Variants in ACSS3 observed in about 807,000 individuals in gnomAD.
The protein encoded by ACSS3 is acyl-CoA synthetase short chain family member 3, also known as acyl-CoA synthetase short-chain family member 3, mitochondrial.
A neutral mutation model predicts 84.2 loss-of-function variants in ACSS3; 64 were observed. The observed-to-expected ratio is 0.76, with a 90% CI of 0.62 to 0.94. ACSS3 has a LOEUF of 0.94. Ranked by LOEUF, ACSS3 falls within the 40% of genes least tolerant of loss-of-function variation. ACSS3 has a pLI of 0.00. For synonymous variants in ACSS3, 317 were observed against 310.1 expected (o/e 1.02, Z -0.23); for missense variants, 815 against 867.6 (o/e 0.94, Z 0.76).
At chr12:81,229,508 T>G (rs557743571) in intron 11 of ACSS3, among the ~76,000 whole-genome samples, 1 of 152,062 alleles carries the variant, frequency 6.6e-6, no homozygotes, top group African/African-American at 2.4e-5. Flanking sequence ...TGTCAAATAT[T>G]AACAATTAAA....
Position 81,256,517 on chromosome 12 carries a change from T to A in ACSS3, c.*1595T>A, listed in dbSNP as rs1007209647. On this transcript the variant is annotated 3_prime_UTR_variant, in exon 16 of 16. Transcript: ENST00000548058. Reference sequence around the variant, plus strand: ...TACATTTTAACCCAAAAGTATACCATGCTCATTGTATCTTTGATCGTTCTT... The same window carrying A: ...TACATTTTAACCCAAAAGTATACCAAGCTCATTGTATCTTTGATCGTTCTT... 2 of 152,200 alleles carry A rather than the reference T, an allele frequency of 1.3e-5. No homozygotes were observed. The highest frequency in any genetic ancestry group is 4.8e-5 in the African/African-American group (2 of 41,456). The allele number at this position is 152,200 out of a possible 1,614,324, so 9.4% of individuals were successfully genotyped here.
In ACSS3 at chr12:81,256,398, T is replaced by C. The variant is rs2034299229; in HGVS notation, c.*1476T>C. 1 of 152,198 alleles carries C rather than the reference T, an allele frequency of 6.6e-6. No individual in the cohort carries two copies. Among genetic ancestry groups the C allele is most frequent in the Non-Finnish European group, 1.5e-5 (1 of 68,032 alleles). 9.4% of individuals were successfully genotyped at this position (152,198 alleles called of 1,614,324 possible). On this transcript the variant is annotated 3_prime_UTR_variant, in exon 16 of 16. Transcript: ENST00000548058. ...ATTGTAAAGTGAGTTTTTGTTAAGC[T>C]TATAGGAATGGGCCAGTTAACTAAG... is the stretch of plus-strand genomic sequence containing the variant.
At chr12:81,091,860 A>G (rs1881689832) in intron 1 of ACSS3, among the ~76,000 whole-genome samples, 1 of 152,122 alleles carries the variant, frequency 6.6e-6, no homozygotes, top group Non-Finnish European at 1.5e-5. Flanking sequence ...TACCATAGTA[A>G]TTTAACTTCT....
At chr12:81,242,474 T>C (rs981722882) in intron 13 of ACSS3, among the ~76,000 whole-genome samples, 5 of 149,094 alleles carry the variant, frequency 3.4e-5, no homozygotes, top group Non-Finnish European at 6.0e-5. Flanking sequence ...TTCCAATCAA[T>C]AGAAAAAGAG....
intron 8 of ACSS3, among the ~76,000 whole-genome samples, chr12:81,194,199 G>A (rs1353472253): frequency 6.6e-6 from 1 of 151,494 alleles, no homozygotes; most frequent in Non-Finnish European, 1.5e-5. Context: ...TTAAAAAAGG[G>A]CAAATCACTT....
At position 81,255,947 on chromosome 12, in the gene ACSS3, C is replaced by A. The variant is rs2034280304; in HGVS notation, c.*1025C>A. 6.6e-6 allele frequency: 1 copy of A among 152,172 alleles called. No individual in the cohort carries two copies. Among genetic ancestry groups the A allele is most frequent in the Non-Finnish European group, 1.5e-5 (1 of 68,048 alleles). 9.4% of individuals were successfully genotyped at this position (152,172 alleles called of 1,614,324 possible). ...ATGTTTATCCAAATGATTCCAGATT[C>A]CTGTGGAAACAAGGAATCGATGTAC... On this transcript the variant is annotated 3_prime_UTR_variant, in exon 16 of 16. Coordinates refer to ENST00000548058, the MANE Select transcript of ACSS3 (RefSeq NM_024560.4).
At chr12:81,138,045 C>T (rs1885900415) in intron 3 of ACSS3, among the ~76,000 whole-genome samples, 1 of 151,926 alleles carries the variant, frequency 6.6e-6, no homozygotes, top group South Asian at 2.1e-4. Context: ...AAAAAGCAGG[C>T]AATACTATAT....
chr12:81,219,671 CTTTACTT>C (rs2033037352), intron 10 of ACSS3, among the ~76,000 whole-genome samples: 2 of 151,908 alleles, frequency 1.3e-5, no homozygotes, highest in Non-Finnish European at 2.9e-5. Flanking sequence ...ACTTCATTTC[CTTTACTT>C]TTTAAAAAGC....
intron 13 of ACSS3, among the ~76,000 whole-genome samples, chr12:81,247,760 G>T (rs1258652695): frequency 1.3e-5 from 2 of 152,014 alleles, no homozygotes; most frequent in African/African-American, 4.8e-5. Context: ...TTAGCAAATT[G>T]ATTATTTCCT....
At position 81,258,599 on chromosome 12, in the gene ACSS3, T is replaced by G. The variant is rs1467222017; in HGVS notation, c.*3677T>G. 1 of 152,200 alleles carries G rather than the reference T, an allele frequency of 6.6e-6. No individual in the cohort carries two copies. Among genetic ancestry groups the G allele is most frequent in the Non-Finnish European group, 1.5e-5 (1 of 68,036 alleles). 9.4% of individuals were successfully genotyped at this position (152,200 alleles called of 1,614,324 possible). ...TTTATACACTATATATGTTAATCAT[T>G]CTGTCTTTCATTTATTTCCTCTGAT... On this transcript the variant is annotated 3_prime_UTR_variant, in exon 16 of 16. Transcript: ENST00000548058.
In ACSS3 at chr12:81,260,045, AT is replaced by A. The variant is rs554278444; in HGVS notation, c.*5124del. On this transcript the variant is annotated 3_prime_UTR_variant, in exon 16 of 16. Coordinates refer to ENST00000548058, the MANE Select transcript of ACSS3 (RefSeq NM_024560.4). Reference sequence around the variant, plus strand: ...TCATATATTTTAGAGTTCTTAAAAAATACCTTTATTTGTTACAAAAACATAA... The same window carrying A: ...TCATATATTTTAGAGTTCTTAAAAAAACCTTTATTTGTTACAAAAACATAA... 1.7e-3 allele frequency: 270 copies of A among 160,662 alleles called. 3 individuals carry two copies. Among genetic ancestry groups the A allele is most frequent in the African/African-American group, 6.0e-3 (252 of 41,892 alleles). The allele number at this position is 160,662 out of a possible 1,614,324, so 10.0% of individuals were successfully genotyped here.
chr12:81,110,084 A>G (rs760285625), intron 2 of ACSS3, among the ~76,000 whole-genome samples: 1 of 152,180 alleles, frequency 6.6e-6, no homozygotes, highest in African/African-American at 2.4e-5. Context: ...CTCATATTAG[A>G]TGATCACCAG....
At chr12:81,181,747 C>CAAAAAAAAAAAAAA (rs59878486) in intron 8 of ACSS3, among the ~76,000 whole-genome samples, 69 of 47,914 alleles carry the variant, frequency 1.4e-3, no homozygotes, top group Non-Finnish European at 1.6e-3. Flanking sequence ...ATCAATTAAG[C>CAAAAAAAAAAAAAA]AAAAAAAAAA....
At chr12:81,180,841 G>C (rs1052177561) in intron 8 of ACSS3, among the ~76,000 whole-genome samples, 1 of 152,088 alleles carries the variant, frequency 6.6e-6, no homozygotes, top group African/African-American at 2.4e-5. Flanking sequence ...TATTTAATCT[G>C]ATGCATAATC....
chr12:81,147,886 C>G (rs557044655), intron 5 of ACSS3, among the ~76,000 whole-genome samples: 1 of 151,540 alleles, frequency 6.6e-6, no homozygotes, highest in South Asian at 2.1e-4. Context: ...CACACACACA[C>G]AAACGCACAC....
At chr12:81,219,614 TGTAA>T (rs951232411) in intron 10 of ACSS3, among the ~76,000 whole-genome samples, 35 of 152,116 alleles carry the variant, frequency 2.3e-4, no homozygotes, top group African/African-American at 8.4e-4. Context: ...TTTTGGTGCT[TGTAA>T]GTATTTTATT....
At chr12:81,113,544 G>A (rs757581136) in intron 2 of ACSS3, among the ~76,000 whole-genome samples, 2 of 151,928 alleles carry the variant, frequency 1.3e-5, no homozygotes, top group Non-Finnish European at 1.5e-5. Flanking sequence ...TAAGTTCCAC[G>A]AAGGCAGTGA....
intron 7 of ACSS3, among the ~76,000 whole-genome samples, chr12:81,153,733 T>A (rs943588507): frequency 6.6e-6 from 1 of 152,180 alleles, no homozygotes; most frequent in Admixed American, 6.5e-5. Context: ...TTCAAGTTAA[T>A]TTGCACTCTT....
chr12:81,088,494 C>G (rs1881465909), intron 1 of ACSS3, among the ~76,000 whole-genome samples: 1 of 151,974 alleles, frequency 6.6e-6, no homozygotes. Flanking sequence ...ATGAAAACAG[C>G]TAACAACTAA....
Sources: allele counts gnomAD v4.1 joint callset (sites outside exome capture counted in the v4.1 genomes callset), GRCh38; gene constraint gnomAD v4.1.1; transcripts MANE v1.5; gene names NCBI Gene and HGNC (gene_info 2026-07-23, HGNC 2026-07-21).